Variants in COL11A1 observed in about 807,000 individuals in gnomAD.
COL11A1 encodes collagen alpha-1(XI) chain.
In COL11A1, 74 loss-of-function variants were observed where a neutral mutation model predicts 265.2. The observed-to-expected ratio is 0.28, with a 90% confidence interval of 0.23 to 0.34. COL11A1 has a LOEUF of 0.34. Among genes scored for constraint, COL11A1 ranks in the 10% least tolerant of loss-of-function variants. The pLI is 1.00. For missense variants in COL11A1, 2,165 were observed against 2,263.6 expected, an observed-to-expected ratio of 0.96 and a Z score of 0.88; for synonymous variants, 816 against 727.6, an observed-to-expected ratio of 1.12 and a Z score of -1.96.
intron 49 of COL11A1, among the ~76,000 whole-genome samples, chr1:102,917,944 C>T (rs1655539285): frequency 6.6e-6 from 1 of 151,384 alleles, no homozygotes; most frequent in Admixed American, 6.6e-5. Flanking sequence ...TCCAAGTGTG[C>T]ACAATGTAAA....
At chr1:102,955,518 T>C (rs752928211) in intron 41 of COL11A1, among the ~76,000 whole-genome samples, 6 of 152,116 alleles carry the variant, frequency 3.9e-5, no homozygotes, top group South Asian at 2.1e-4. Context: ...AGGGATAAAA[T>C]ATACATGTGA....
At chr1:102,992,401 GA>G (rs1350198141) in intron 28 of COL11A1, among the ~76,000 whole-genome samples, 4 of 151,978 alleles carry the variant, frequency 2.6e-5, no homozygotes, top group African/African-American at 7.2e-5. Context: ...AAAAAAGAGA[GA>G]ATTTTAGTCA....
intron 62 of COL11A1, among the ~76,000 whole-genome samples, chr1:102,887,560 A>G (rs1651151222): frequency 6.6e-6 from 1 of 152,192 alleles, no homozygotes; most frequent in Non-Finnish European, 1.5e-5. Flanking sequence ...TTATAAATTA[A>G]CAAACTTAAA....
intron 46 of COL11A1, among the ~76,000 whole-genome samples, chr1:102,928,000 G>A (rs546557211): frequency 6.6e-6 from 1 of 152,160 alleles, no homozygotes; most frequent in South Asian, 2.1e-4. Context: ...CTCCAGATCC[G>A]CCCCTGTCTG....
intron 57 of COL11A1, among the ~76,000 whole-genome samples, chr1:102,896,710 T>A (rs1432173550): frequency 6.6e-6 from 1 of 152,164 alleles, no homozygotes. Flanking sequence ...GTATGCCAAA[T>A]CAGGTGGTAT....
chr1:103,022,614 T>C (rs1334516440), intron 8 of COL11A1, 128 bp downstream of exon 8: 15 of 1,041,360 alleles, frequency 1.4e-5, no homozygotes, highest in Middle Eastern at 3.0e-4. Flanking sequence ...CTAGTGGTAA[T>C]AGGCATTCAT....
At chr1:102,898,080 T>G in intron 57 of COL11A1, 45 bp downstream of exon 57, 1 of 1,337,626 alleles carries the variant, frequency 7.5e-7, no homozygotes, top group Non-Finnish European at 1.0e-6. Flanking sequence ...ACAATTTTGT[T>G]TTAGAAATTC....
rs186866955 is a variant in COL11A1 at position 102,999,850 on chromosome 1, C to T, written c.2143-1487G>A. Among the ~76,000 whole-genome samples the T allele has an allele frequency of 2.4e-3, 358 of 151,938 alleles. 2 individuals are homozygous for T. The highest frequency in any genetic ancestry group is 8.2e-3 in the African/African-American group (339 of 41,526). Reference sequence around the variant, plus strand: ...TCATTAAAAACAAAAGTAATAGCTTCTACTTTTTTAATATAGATGTAATAC... The same window carrying T: ...TCATTAAAAACAAAAGTAATAGCTTTTACTTTTTTAATATAGATGTAATAC... On this transcript the variant is annotated intron_variant, in intron 24 of 66. Transcript: ENST00000370096.
chr1:102,887,837 A>G (rs1651197307), intron 62 of COL11A1, among the ~76,000 whole-genome samples: 1 of 152,204 alleles, frequency 6.6e-6, no homozygotes, highest in African/African-American at 2.4e-5. Flanking sequence ...AAGAGGGAAG[A>G]TAATGTGAAG....
chr1:103,041,157 A>C (rs1668783967), intron 4 of COL11A1, among the ~76,000 whole-genome samples: 1 of 151,992 alleles, frequency 6.6e-6, no homozygotes. Context: ...CAGAGTTAGC[A>C]TTAGAATTTG....
intron 54 of COL11A1, among the ~76,000 whole-genome samples, chr1:102,902,805 A>G (rs1653384506): frequency 1.3e-5 from 2 of 151,166 alleles, no homozygotes; most frequent in Non-Finnish European, 3.0e-5. Flanking sequence ...TACTATATAT[A>G]ATAATACTTT....
intron 11 of COL11A1, among the ~76,000 whole-genome samples, chr1:103,016,171 C>T (rs1403422182): frequency 6.6e-6 from 1 of 151,840 alleles, no homozygotes; most frequent in East Asian, 1.9e-4. Flanking sequence ...TTAACAGATA[C>T]ATAAATAGTA....
intron 38 of COL11A1, 35 bp from the exon 39 acceptor site, chr1:102,962,795 C>T (rs770366581): frequency 1.3e-6 from 2 of 1,586,010 alleles, no homozygotes; most frequent in South Asian, 1.1e-5. Flanking sequence ...TTAGATTGCT[C>T]TTTTATTTTT....
intron 7 of COL11A1, among the ~76,000 whole-genome samples, chr1:103,024,956 G>C (rs573718598): frequency 6.6e-6 from 1 of 152,070 alleles, no homozygotes; most frequent in South Asian, 2.1e-4. Context: ...TTACCTACAT[G>C]TACTTAAATA....
intron 1 of COL11A1, among the ~76,000 whole-genome samples, chr1:103,106,136 T>A (rs115916811): frequency 6.6e-6 from 1 of 152,134 alleles, no homozygotes; most frequent in Non-Finnish European, 1.5e-5. Flanking sequence ...AGACTGAAAA[T>A]AGAAAATTTA....
At chr1:102,930,825 G>C (rs1657326588) in intron 46 of COL11A1, among the ~76,000 whole-genome samples, 1 of 151,386 alleles carries the variant, frequency 6.6e-6, no homozygotes, top group Admixed American at 6.6e-5. Flanking sequence ...TCTTGGGAGA[G>C]TGTATGTGTC....
chr1:102,934,427 A>T, intron 46 of COL11A1, 22 bp downstream of exon 46: 1 of 1,519,984 alleles, frequency 6.6e-7, no homozygotes, highest in Non-Finnish European at 9.1e-7. Flanking sequence ...TGATGGAGTA[A>T]ACAATGACAG....
intron 19 of COL11A1, 35 bp from the exon 20 acceptor site, chr1:103,004,523 T>C (rs1349958103): frequency 1.1e-5 from 18 of 1,600,840 alleles, no homozygotes; most frequent in Non-Finnish European, 1.5e-5. Context: ...GTATAGAACA[T>C]TTGGACAATG....
chr1:102,893,392 AC>A, intron 57 of COL11A1, among the ~76,000 whole-genome samples: 1 of 152,278 alleles, frequency 6.6e-6, no homozygotes, highest in South Asian at 2.1e-4. Context: ...AGTTTGCCAA[AC>A]AAAATCAGTT....
Sources: gnomAD v4.1 joint callset for allele counts (sites outside exome capture counted in the v4.1 genomes callset) on GRCh38, gnomAD v4.1.1 for gene constraint, MANE v1.5 for transcripts, NCBI Gene and HGNC (gene_info 2026-07-23, HGNC 2026-07-21) for gene names.